LETMD1: variants seen among roughly 807,000 people sequenced by gnomAD.
The protein encoded by LETMD1 is LETM1 domain-containing protein 1.
A neutral mutation model predicts 43.9 loss-of-function variants in LETMD1; 30 were observed. The ratio of observed to expected loss-of-function variants is 0.68; its 90% confidence interval spans 0.51 to 0.93. The LOEUF (loss-of-function observed/expected upper bound fraction) is 0.93, where lower values mean the gene tolerates loss of function less well. Among genes scored for constraint, LETMD1 ranks in the 40% least tolerant of loss-of-function variants. LETMD1 has a pLI of 0.00. For missense variants in LETMD1, 413 were observed against 447.7 expected, an observed-to-expected ratio of 0.92 and a Z score of 0.70; for synonymous variants, 176 against 163.1, an observed-to-expected ratio of 1.08 and a Z score of -0.60.
At chr12:51,064,614 G>A (rs1937914542), downstream of LETMD1, 2 of 1,560,640 alleles carry the variant, frequency 1.3e-6, no homozygotes, top group Non-Finnish European at 1.7e-6. Context: ...AATGCGTCCT[G>A]CCATGTTCCC....
rs775578463 is a variant in LETMD1 at position 51,055,910 on chromosome 12, T to C, written c.549T>C (p.Tyr183=). 2 of 1,614,022 alleles carry C rather than the reference T, an allele frequency of 1.2e-6. No homozygotes were observed. The highest frequency in any genetic ancestry group is 2.2e-5 in the South Asian group (2 of 91,080). The part of the protein sequence containing the change: ...PKQQTDFLDI[Y]HAFRKQSHPE... ...AACAAACTGATTTCTTAGATATCTA[T>C]CATGCTTTCCGGAAGCAGTCCCACC... is the stretch of plus-strand genomic sequence containing the variant. Residue 183 remains tyrosine, a synonymous_variant, in exon 5 of 9, where the codon TAT becomes TAC. Coordinates refer to ENST00000262055, the MANE Select transcript of LETMD1 (RefSeq NM_015416.5).
chr12:51,052,392 G>T lies in LETMD1; in HGVS notation c.390+185G>T, dbSNP rs1946414984. Reference sequence around the variant, plus strand: ...GTAAGAATTGGGTTCATCCAGAGTTGTAGCCCTCCATAGCAAGAGCTCCAT... The same window carrying T: ...GTAAGAATTGGGTTCATCCAGAGTTTTAGCCCTCCATAGCAAGAGCTCCAT... On this transcript the variant is annotated intron_variant, in intron 3 of 8. Coordinates refer to ENST00000262055, the MANE Select transcript of LETMD1 (RefSeq NM_015416.5). 4 of 608,218 alleles carry T rather than the reference G, an allele frequency of 6.6e-6. No homozygotes were observed. In the South Asian group the frequency reaches 7.3e-5, roughly 11 times the overall value. 37.7% of individuals were successfully genotyped at this position (608,218 alleles called of 1,614,324 possible). A position where few individuals can be genotyped will look rare whatever the true frequency, so the allele number is the denominator to read the frequency against.
chr12:51,048,775 C>T (rs1945081794), intron 1 of LETMD1: 3 of 587,016 alleles, frequency 5.1e-6, no homozygotes, highest in East Asian at 5.9e-5. Flanking sequence ...TCTGACTTAG[C>T]CTGCAGTTCA....
chr12:51,066,025 A>ATGAT, the LETMD1 span, among the ~76,000 whole-genome samples: 2 of 152,180 alleles, frequency 1.3e-5, no homozygotes, highest in Non-Finnish European at 2.9e-5. Flanking sequence ...CCCCCATCAG[A>ATGAT]GGGCCAACAA....
rs751524130 is a variant in LETMD1 at position 51,056,200 on chromosome 12, C to T, written c.717C>T (p.Phe239=). ...IHDILALREC[F]SNHPLGMNQL... ...ATATCTTGGCTCTGAGAGAGTGTTT[C>T]TCTAACCATCCTCTGGGCATGAACC... The change falls in exon 6 of 9, where the codon TTC becomes TTT. Residue 239 remains phenylalanine, a synonymous_variant. Transcript: ENST00000262055. 1.2e-6 allele frequency: 2 copies of T among 1,614,266 alleles called. No homozygotes were observed. Among genetic ancestry groups the T allele is most frequent in the East Asian group, 4.5e-5 (2 of 44,890 alleles).
intron 1 of LETMD1, 55 bp downstream of exon 1, chr12:51,048,533 T>C: frequency 1.3e-6 from 2 of 1,597,018 alleles, no homozygotes; most frequent in Admixed American, 1.7e-5. Flanking sequence ...TTTCAGTGTC[T>C]CAACCTTGCT....
At chr12:51,060,628 C>T (rs1012829224), downstream of LETMD1, among the ~76,000 whole-genome samples, 8 of 152,138 alleles carry the variant, frequency 5.3e-5, no homozygotes, top group African/African-American at 1.7e-4. Flanking sequence ...TGAGGCCGGG[C>T]GCGGCGGCTC....
Position 51,060,100 on chromosome 12 carries a change from A to G in LETMD1, c.*669A>G, listed in dbSNP as rs142129491. On this transcript the variant is annotated 3_prime_UTR_variant, in exon 9 of 9. Transcript: ENST00000262055. Reference sequence around the variant, plus strand: ...CAAGTGCTTCTTGACCCCTTCCTCAATGTTTCTAGCCTTCACTCTCCATTG... The same window carrying G: ...CAAGTGCTTCTTGACCCCTTCCTCAGTGTTTCTAGCCTTCACTCTCCATTG... 5 of 152,886 alleles carry G rather than the reference A, an allele frequency of 3.3e-5. No individual in the cohort carries two copies. Among genetic ancestry groups the G allele is most frequent in the East Asian group, 1.9e-4 (1 of 5,188 alleles). 9.5% of individuals were successfully genotyped at this position (152,886 alleles called of 1,614,324 possible). A position where few individuals can be genotyped will look rare whatever the true frequency, so the allele number is the denominator to read the frequency against.
chr12:51,057,712 G>A (rs1469326613), intron 7 of LETMD1: 13 of 346,004 alleles, frequency 3.8e-5, no homozygotes, highest in Admixed American at 1.2e-4. Context: ...TGCAACCTCC[G>A]CCTCCCAGGT....
intron 2 of LETMD1, among the ~76,000 whole-genome samples, chr12:51,050,579 C>G (rs1945779954): frequency 6.6e-6 from 1 of 151,954 alleles, no homozygotes; most frequent in Non-Finnish European, 1.5e-5. Context: ...TAACAAACTT[C>G]CATGTATTAA....
In LETMD1 at chr12:51,053,814, A is replaced by G; in HGVS notation, c.427A>G (p.Ile143Val). 6.2e-7 allele frequency: 1 copy of G among 1,613,726 alleles called. No homozygotes were observed. Among genetic ancestry groups the G allele is most frequent in the Non-Finnish European group, 8.5e-7 (1 of 1,179,810 alleles). The change falls in exon 4 of 9, where the codon ATT becomes GTT. Residue 143 changes from isoleucine (I) to valine (V), a missense_variant. By Grantham distance (29) the Ile-to-Val change is conservative (BLOSUM62 3). Transcript: ENST00000262055. ...QDVTKCLFLG[I>V]ISIPPFANYL... is the part of the protein sequence containing the mutation. ...CGTCACCAAGTGTCTTTTCCTAGGTATTATTTCCATTCCACCTTTTGCCAA... is the reference window on the plus strand; with the variant it reads ...CGTCACCAAGTGTCTTTTCCTAGGTGTTATTTCCATTCCACCTTTTGCCAA...
At chr12:51,048,822 T>C (rs1401174271) in intron 1 of LETMD1, 4 of 600,638 alleles carry the variant, frequency 6.7e-6, no homozygotes, top group Non-Finnish European at 1.2e-5. Context: ...TCCAGAGGCA[T>C]ACCCTGAGTT....
At chr12:51,063,999 A>C (rs1478091340), downstream of LETMD1, 1 of 1,614,032 alleles carries the variant, frequency 6.2e-7, no homozygotes, top group Non-Finnish European at 8.5e-7. Context: ...GCTACAAGCC[A>C]CGAGTGAGGT....
chr12:51,066,436 A>G, the LETMD1 span, among the ~76,000 whole-genome samples: 3 of 148,108 alleles, frequency 2.0e-5, no homozygotes, highest in African/African-American at 7.4e-5. Flanking sequence ...GCCTGGCAAC[A>G]GAGCAAGACT....
Position 51,059,687 on chromosome 12 carries a change from T to G in LETMD1, c.*256T>G. ...ATCCTGTCCCCCTCATAATTACTAA[T>G]AGCTGGAACTGGCAGCAGCCTCTAC... On this transcript the variant is annotated 3_prime_UTR_variant, in exon 9 of 9. Transcript: ENST00000262055. The G allele has an allele frequency of 2.1e-6, 1 of 477,848 alleles. No homozygotes were observed. The highest frequency in any genetic ancestry group is 3.9e-6 in the Non-Finnish European group (1 of 258,220). The allele number at this position is 477,848 out of a possible 1,614,324, so 29.6% of individuals were successfully genotyped here.
rs1413256011 is a variant in LETMD1, at chr12:51,049,514, C to T, written c.274+329C>T. On this transcript the variant is annotated intron_variant, in intron 2 of 8. Coordinates refer to ENST00000262055, the MANE Select transcript of LETMD1 (RefSeq NM_015416.5). ...GGGATCTGTGGCTGTATAGACCTGC[C>T]CTGTGATGTATCAGTTGACTTACCC... is the stretch of plus-strand genomic sequence containing the variant. The T allele has an allele frequency of 1.8e-5, 4 of 221,958 alleles. No individual in the cohort carries two copies. In the East Asian group the frequency reaches 4.1e-4, roughly 23 times the overall value. 13.7% of individuals were successfully genotyped at this position (221,958 alleles called of 1,614,324 possible). A position where few individuals can be genotyped will look rare whatever the true frequency, so the allele number is the denominator to read the frequency against.
At chr12:51,049,416 A>G in intron 2 of LETMD1, 1 of 459,796 alleles carries the variant, frequency 2.2e-6, no homozygotes, top group East Asian at 3.6e-5. Context: ...GGGAGGGAGA[A>G]TATAGGTATG....
At chr12:51,064,438 G>T (rs774446144), downstream of LETMD1, 1 of 1,611,264 alleles carries the variant, frequency 6.2e-7, no homozygotes, top group South Asian at 1.1e-5. Context: ...ATGAACTCCT[G>T]GAAGTCCTGG....
chr12:51,053,862 T>C lies in LETMD1; in HGVS notation c.473+2T>C. ...CAACTACCTGGTCTTCTTGCTAATG[T>C]GAGTACAGACTTCCATCTCCCCAAC... is the stretch of plus-strand genomic sequence containing the variant. On this transcript the variant is annotated splice_donor_variant, in intron 4 of 8. Transcript: ENST00000262055. LOFTEE classifies it high-confidence loss of function. 2 of 1,590,710 alleles carry C rather than the reference T, an allele frequency of 1.3e-6. No homozygotes were observed. The highest frequency in any genetic ancestry group is 1.7e-6 in the Non-Finnish European group (2 of 1,161,024).
Sources: gnomAD v4.1 joint callset for allele counts (sites outside exome capture counted in the v4.1 genomes callset) on GRCh38, gnomAD v4.1.1 for gene constraint, MANE v1.5 for transcripts, NCBI Gene and HGNC (gene_info 2026-07-23, HGNC 2026-07-21) for gene names.